HS6ST3: variants seen among roughly 807,000 people sequenced by gnomAD.
HS6ST3 encodes the protein heparan sulfate 6-O-sulfotransferase 3, also known as heparan-sulfate 6-O-sulfotransferase 3.
HS6ST3 carries 12 observed loss-of-function variants against 36.7 expected under a neutral mutation model. The ratio of observed to expected loss-of-function variants is 0.33; its 90% CI spans 0.21 to 0.53. The LOEUF (loss-of-function observed/expected upper bound fraction) is 0.53, where lower values mean the gene tolerates loss of function less well. HS6ST3 is among the 20% of genes least tolerant of loss of function. HS6ST3 has a pLI of 0.95. For missense variants in HS6ST3, 584 were observed against 640.9 expected (o/e 0.91, Z 0.96); for synonymous variants, 240 against 257.5 (o/e 0.93, Z 0.65).
At chr13:96,220,193 A>G (rs1053242870) in intron 1 of HS6ST3, among the ~76,000 whole-genome samples, 2 of 152,208 alleles carry the variant, frequency 1.3e-5, no homozygotes, top group African/African-American at 4.8e-5. Context: ...AGGATTTGGC[A>G]TGTAATAGTT....
At chr13:96,400,800 C>T (rs923173240) in intron 1 of HS6ST3, among the ~76,000 whole-genome samples, 2 of 152,082 alleles carry the variant, frequency 1.3e-5, no homozygotes, top group Non-Finnish European at 2.9e-5. Flanking sequence ...TCTTTCCTCA[C>T]GTCTTAGTCG....
intron 1 of HS6ST3, among the ~76,000 whole-genome samples, chr13:96,166,413 C>G (rs1466449101): frequency 1.3e-5 from 2 of 152,174 alleles, no homozygotes; most frequent in Non-Finnish European, 2.9e-5. Flanking sequence ...AGAACATTCT[C>G]TCTCCTCTAA....
Position 96,833,329 on chromosome 13 carries a change from CTTCT to C in HS6ST3, c.*134_*137del, listed in dbSNP as rs1419771191. ...TGTGCTTGATTTGGACATCTTCTTC[CTTCT>C]TTGTCTTCATTTTTATCCAGCTGGA... is the stretch of plus-strand genomic sequence containing the variant. On this transcript the variant is annotated 3_prime_UTR_variant, in exon 2 of 2. Coordinates refer to ENST00000376705, the MANE Select transcript of HS6ST3 (RefSeq NM_153456.4). The C allele has an allele frequency of 6.1e-6, 4 of 655,188 alleles. No homozygotes were observed. The highest frequency in any genetic ancestry group is 6.5e-5 in the Admixed American group (2 of 30,538). The allele number at this position is 655,188 out of a possible 1,614,324, so 40.6% of individuals were successfully genotyped here. A position where few individuals can be genotyped will look rare whatever the true frequency, so the allele number is the denominator to read the frequency against.
chr13:96,803,584 A>T (rs1878133281), intron 1 of HS6ST3, among the ~76,000 whole-genome samples: 1 of 152,174 alleles, frequency 6.6e-6, no homozygotes, highest in Non-Finnish European at 1.5e-5. Context: ...TTAAGACCAA[A>T]AAGAGACTCT....
At chr13:96,667,924 C>G (rs1053868591) in intron 1 of HS6ST3, among the ~76,000 whole-genome samples, 1 of 152,132 alleles carries the variant, frequency 6.6e-6, no homozygotes, top group South Asian at 2.1e-4. Context: ...TTTAGCACTA[C>G]AGTCTATGAC....
intron 1 of HS6ST3, among the ~76,000 whole-genome samples, chr13:96,342,194 T>G (rs1482873424): frequency 1.3e-5 from 2 of 152,248 alleles, no homozygotes; most frequent in African/African-American, 4.8e-5. Flanking sequence ...ATTCACAGTT[T>G]GAGGTATCTA....
chr13:96,495,883 A>G (rs2055972628), intron 1 of HS6ST3, among the ~76,000 whole-genome samples: 1 of 152,216 alleles, frequency 6.6e-6, no homozygotes, highest in Non-Finnish European at 1.5e-5. Flanking sequence ...TGCCCTCGTG[A>G]AGAGCGCAGT....
At chr13:96,319,369 A>G (rs1168213061) in intron 1 of HS6ST3, among the ~76,000 whole-genome samples, 2 of 152,206 alleles carry the variant, frequency 1.3e-5, no homozygotes, top group African/African-American at 4.8e-5. Context: ...CTATGGATAG[A>G]CCACATTTTG....
chr13:96,252,123 A>G (rs1952420), intron 1 of HS6ST3, among the ~76,000 whole-genome samples: 144,717 of 152,274 alleles, frequency 0.95, 68,868 homozygotes, highest in East Asian at 1. Context: ...TGGAAAGTGG[A>G]CTATTGAGGT....
At chr13:96,110,378 C>A (rs768059189) in intron 1 of HS6ST3, among the ~76,000 whole-genome samples, 2 of 151,762 alleles carry the variant, frequency 1.3e-5, no homozygotes, top group Non-Finnish European at 2.9e-5. Flanking sequence ...CAAACACCCC[C>A]CTCCAGGCCT....
chr13:96,750,578 T>C (rs1397309259), intron 1 of HS6ST3, among the ~76,000 whole-genome samples: 1 of 152,248 alleles, frequency 6.6e-6, no homozygotes, highest in Non-Finnish European at 1.5e-5. Context: ...TTTATGTGTA[T>C]ATGTATGTGC....
At chr13:96,784,772 A>G (rs1171628973) in intron 1 of HS6ST3, among the ~76,000 whole-genome samples, 1 of 152,160 alleles carries the variant, frequency 6.6e-6, no homozygotes, top group Non-Finnish European at 1.5e-5. Flanking sequence ...CCCTTCCTCA[A>G]TGAAGTAATA....
At chr13:96,118,957 G>T (rs1224054358) in intron 1 of HS6ST3, among the ~76,000 whole-genome samples, 1 of 150,568 alleles carries the variant, frequency 6.6e-6, no homozygotes, top group Non-Finnish European at 1.5e-5. Context: ...TGATCCACCC[G>T]CCTCGGCCTC....
intron 1 of HS6ST3, among the ~76,000 whole-genome samples, chr13:96,725,561 A>G (rs186691466): frequency 1.4e-4 from 21 of 152,288 alleles, no homozygotes; most frequent in Non-Finnish European, 2.9e-4. Flanking sequence ...CAAAATGTAG[A>G]TAGAAGTTCA....
intron 1 of HS6ST3, among the ~76,000 whole-genome samples, chr13:96,439,939 C>T (rs549401837): frequency 6.6e-6 from 1 of 152,264 alleles, no homozygotes; most frequent in African/African-American, 2.4e-5. Context: ...TAGACAAAAC[C>T]AGACAGAAAT....
chr13:96,186,677 T>A (rs16951654), intron 1 of HS6ST3, among the ~76,000 whole-genome samples: 5,662 of 152,296 alleles, frequency 0.037, 160 homozygotes, highest in African/African-American at 0.073. Flanking sequence ...CTGTGGGCAA[T>A]TGTATAGAAT....
intron 1 of HS6ST3, among the ~76,000 whole-genome samples, chr13:96,575,768 G>A (rs916167645): frequency 6.6e-6 from 1 of 152,004 alleles, no homozygotes; most frequent in Non-Finnish European, 1.5e-5. Context: ...TTTTCTTCTC[G>A]CCTTGCTTGT....
At chr13:96,198,364 C>G (rs2054324976) in intron 1 of HS6ST3, among the ~76,000 whole-genome samples, 1 of 152,184 alleles carries the variant, frequency 6.6e-6, no homozygotes, top group Non-Finnish European at 1.5e-5. Flanking sequence ...ACAATAAGCT[C>G]CTTGCTACTT....
rs181687007 is a variant in HS6ST3, at chr13:96,192,656, A to G, written c.707+101087A>G. 8.4e-4 allele frequency among the ~76,000 whole-genome samples: 127 copies of G among 151,922 alleles called. 1 individual carries two copies. The highest frequency in any genetic ancestry group is 6.9e-4 in the Non-Finnish European group (47 of 67,974). ...TTTATCCAGTCAACCACTAATAGAC[A>G]TTTAGGTTGGTTCCAGGTTGGTTCC... is the stretch of plus-strand genomic sequence containing the variant. On this transcript the variant is annotated intron_variant, in intron 1 of 1. Transcript: ENST00000376705.
Sources: gnomAD v4.1 joint callset for allele counts (sites outside exome capture counted in the v4.1 genomes callset) on GRCh38, gnomAD v4.1.1 for gene constraint, MANE v1.5 for transcripts, NCBI Gene and HGNC (gene_info 2026-07-23, HGNC 2026-07-21) for gene names.